Variants in NHEJ1 observed in about 807,000 individuals in gnomAD.
NHEJ1 encodes the protein non-homologous end joining factor 1.
A neutral mutation model predicts 39.4 loss-of-function variants in NHEJ1; 22 were observed. The ratio of observed to expected loss-of-function variants is 0.56; its 90% CI spans 0.40 to 0.80. The LOEUF is 0.80. Among genes scored for constraint, NHEJ1 ranks in the 30% least tolerant of loss-of-function variants. NHEJ1 has a pLI of 0.00. For missense variants in NHEJ1, 329 were observed against 357.1 expected, an observed-to-expected ratio of 0.92 and a Z score of 0.63; for synonymous variants, 154 against 135.6, an observed-to-expected ratio of 1.14 and a Z score of -0.94.
At chr2:219,098,240 A>G (rs1358995443) in intron 5 of NHEJ1, among the ~76,000 whole-genome samples, 2 of 152,196 alleles carry the variant, frequency 1.3e-5, no homozygotes, top group African/African-American at 2.4e-5. Flanking sequence ...AATAGACAAC[A>G]CTTGTAAGGA....
intron 3 of NHEJ1, among the ~76,000 whole-genome samples, chr2:219,153,964 T>C (rs868635468): frequency 1.3e-5 from 2 of 152,224 alleles, no homozygotes; most frequent in Non-Finnish European, 2.9e-5. Context: ...ATTCCACTTA[T>C]GGGAATTTAC....
intron 5 of NHEJ1, among the ~76,000 whole-genome samples, chr2:219,132,842 T>G (rs530449159): frequency 3.9e-5 from 6 of 152,308 alleles, no homozygotes; most frequent in African/African-American, 1.4e-4. Context: ...ATAAATATAT[T>G]ATGTATTTAG....
At chr2:219,110,908 G>A (rs1949359736) in intron 5 of NHEJ1, among the ~76,000 whole-genome samples, 1 of 152,096 alleles carries the variant, frequency 6.6e-6, no homozygotes, top group South Asian at 2.1e-4. Context: ...AGGAGTCTGG[G>A]CTGACTGCAT....
At position 219,075,401 on chromosome 2, in the gene NHEJ1, G is replaced by A. The variant is rs750714872; in HGVS notation, c.*980C>T. The A allele has an allele frequency of 3.3e-5, 5 of 152,202 alleles. No individual in the cohort carries two copies. The highest frequency in any genetic ancestry group is 6.5e-5 in the Admixed American group (1 of 15,280). The allele number at this position is 152,202 out of a possible 1,614,324, so 9.4% of individuals were successfully genotyped here. On this transcript the variant is annotated 3_prime_UTR_variant, in exon 8 of 8. Coordinates refer to ENST00000356853, the MANE Select transcript of NHEJ1 (RefSeq NM_024782.3). ...ACTTGACATCAGGACAGAAACGCCAGTATATATACAGGATATTTGAATAAG... is the reference window on the plus strand; with the variant it reads ...ACTTGACATCAGGACAGAAACGCCAATATATATACAGGATATTTGAATAAG...
intron 3 of NHEJ1, among the ~76,000 whole-genome samples, chr2:219,150,078 T>C (rs1418970434): frequency 6.6e-6 from 1 of 152,266 alleles, no homozygotes; most frequent in Admixed American, 6.5e-5. Flanking sequence ...GGATCCAGAT[T>C]AGACGTCTGG....
intron 5 of NHEJ1, among the ~76,000 whole-genome samples, chr2:219,129,761 C>T (rs1243264149): frequency 1.3e-5 from 2 of 152,238 alleles, no homozygotes; most frequent in South Asian, 4.1e-4. Context: ...ACGCCCTGCG[C>T]GGCCAGGGGA....
At chr2:219,127,172 T>C (rs369186511) in intron 5 of NHEJ1, among the ~76,000 whole-genome samples, 8 of 152,258 alleles carry the variant, frequency 5.3e-5, no homozygotes, top group African/African-American at 1.9e-4. Flanking sequence ...CAGGTTCCAT[T>C]TGGCTTCTTT....
chr2:219,158,003 A>T lies in NHEJ1; in HGVS notation c.177+183T>A, dbSNP rs867399625. On this transcript the variant is annotated intron_variant, in intron 2 of 7. Transcript: ENST00000356853. ...CTCTCTCTCTCTCTCACACACACAC[A>T]CACACACACACACACACACACACAC... Among the ~76,000 whole-genome samples, 1,369 of 147,316 alleles carry T rather than the reference A, an allele frequency of 9.3e-3. 27 individuals carry two copies. Among genetic ancestry groups the T allele is most frequent in the African/African-American group, 0.033 (1,257 of 38,428 alleles).
Position 219,076,398 on chromosome 2 carries a change from T to C in NHEJ1, c.883A>G (p.Arg295Gly), listed in dbSNP as rs577812571. ...ACAACAGATTAACTGAAGAGACCCC[T>C]TGGCTTCTTCCTCTTGACCTTTGAC... ...QLSKVKRKKPRGLFS is the reference protein window; with the variant it reads ...QLSKVKRKKPGGLFS Residue 295 changes from arginine (R) to glycine (G), a missense_variant, in exon 8 of 8, where the codon AGG becomes GGG. Arg to Gly is a moderately radical substitution (Grantham distance 125). Transcript: ENST00000356853. 1 of 1,614,130 alleles carries C rather than the reference T, an allele frequency of 6.2e-7. No individual in the cohort carries two copies.
At chr2:219,100,935 T>A (rs1013121010) in intron 5 of NHEJ1, among the ~76,000 whole-genome samples, 1 of 152,236 alleles carries the variant, frequency 6.6e-6, no homozygotes, top group Non-Finnish European at 1.5e-5. Context: ...ATAAAAGACT[T>A]CTACTCTTTA....
chr2:219,073,765 C>T lies in NHEJ1; in HGVS notation c.*2616G>A, dbSNP rs982128667. Among the ~76,000 whole-genome samples, 6 of 152,240 alleles carry T rather than the reference C, an allele frequency of 3.9e-5. No individual in the cohort carries two copies. Among genetic ancestry groups the T allele is most frequent in the African/African-American group, 9.6e-5 (4 of 41,464 alleles). ...CCAGCCCTGGCCCCAGCCCCAGCCCCGGGGAGCGGGCGGGTAGGCGGGGAG... is the reference window on the plus strand; with the variant it reads ...CCAGCCCTGGCCCCAGCCCCAGCCCTGGGGAGCGGGCGGGTAGGCGGGGAG... On this transcript the variant is annotated 3_prime_UTR_variant, in exon 8 of 8. Transcript: ENST00000356853.
chr2:219,089,108 T>G (rs933161806), intron 5 of NHEJ1, among the ~76,000 whole-genome samples: 2 of 152,186 alleles, frequency 1.3e-5, no homozygotes, highest in Non-Finnish European at 2.9e-5. Context: ...CATGAGCCAT[T>G]GCGCCCAGCC....
intron 5 of NHEJ1, among the ~76,000 whole-genome samples, chr2:219,089,120 A>G (rs1446993765): frequency 2.0e-5 from 3 of 152,204 alleles, no homozygotes; most frequent in Non-Finnish European, 4.4e-5. Flanking sequence ...CGCCCAGCCT[A>G]TACTTCAATT....
chr2:219,077,994 T>C (rs1396008129), intron 6 of NHEJ1, 95 bp downstream of exon 6: 2 of 855,508 alleles, frequency 2.3e-6, no homozygotes, highest in African/African-American at 3.4e-5. Flanking sequence ...TAAACTTAAA[T>C]AGTTATATGT....
At position 219,147,722 on chromosome 2, in the gene NHEJ1, G is replaced by A. The variant is rs756563868; in HGVS notation, c.464C>T (p.Thr155Met). ...ALQCQVRELA[T>M]LLHMKDLEIQ... is the part of the protein sequence containing the mutation. ...CTCTAGGTCTTTCATATGAAGTAAC[G>A]TTGCTAGCTCCCTCACTTGGCACTG... The change falls in exon 4 of 8, where the codon ACG (threonine) becomes ATG (methionine). Residue 155 changes from threonine (T) to methionine (M), a missense_variant. Thr to Met is a moderately conservative substitution (Grantham distance 81). Coordinates refer to ENST00000356853, the MANE Select transcript of NHEJ1 (RefSeq NM_024782.3). The A allele has an allele frequency of 3.5e-5, 56 of 1,614,102 alleles. No homozygotes were observed. The highest frequency in any genetic ancestry group is 2.9e-4 in the South Asian group (26 of 91,074).
chr2:219,088,418 G>A (rs560270903), intron 5 of NHEJ1, among the ~76,000 whole-genome samples: 49 of 152,132 alleles, frequency 3.2e-4, no homozygotes, highest in African/African-American at 1.1e-3. Context: ...GCTTGAGCCC[G>A]GGAGTTCAAG....
intron 1 of NHEJ1, among the ~76,000 whole-genome samples, chr2:219,159,608 TATACATATAC>T (rs1347805402): frequency 1.6e-4 from 23 of 142,496 alleles, no homozygotes; most frequent in African/African-American, 5.2e-4. Flanking sequence ...TATGCATATA[TATACATATAC>T]GTGGTGATCT....
At chr2:219,119,654 G>A (rs906014076) in intron 5 of NHEJ1, among the ~76,000 whole-genome samples, 2 of 152,098 alleles carry the variant, frequency 1.3e-5, no homozygotes, top group Non-Finnish European at 2.9e-5. Flanking sequence ...CATGACAACT[G>A]AGTAGAACAG....
chr2:219,139,973 C>G (rs1279267465), intron 5 of NHEJ1, among the ~76,000 whole-genome samples: 1 of 152,222 alleles, frequency 6.6e-6, no homozygotes, highest in East Asian at 1.9e-4. Flanking sequence ...GCCACCGCAC[C>G]CAGCCTGTTA....
Sources: gnomAD v4.1 joint callset for allele counts (sites outside exome capture counted in the v4.1 genomes callset) on GRCh38, gnomAD v4.1.1 for gene constraint, MANE v1.5 for transcripts, NCBI Gene and HGNC (gene_info 2026-07-23, HGNC 2026-07-21) for gene names.